CNNM2: variants seen among roughly 807,000 people sequenced by gnomAD.
The protein encoded by CNNM2 is metal transporter CNNM2.
CNNM2 carries 12 observed loss-of-function variants against 66.9 expected under a neutral mutation model. The observed-to-expected ratio is 0.18, with a 90% CI of 0.11 to 0.29. The LOEUF (loss-of-function observed/expected upper bound fraction) is 0.29. CNNM2 is among the 10% of genes least tolerant of loss of function. The pLI, the probability that CNNM2 is intolerant of heterozygous loss-of-function variation, is 1.00. For synonymous variants in CNNM2, 557 were observed against 501.8 expected (o/e 1.11, Z -1.47); for missense variants, 705 against 1,167.7 (o/e 0.60, Z 5.77).
intron 1 of CNNM2, chr10:102,927,430 T>C (rs1845908670): frequency 6.2e-7 from 1 of 1,612,298 alleles, no homozygotes; most frequent in Non-Finnish European, 8.5e-7. Flanking sequence ...TCACAGACAT[T>C]GGCAACTCTA....
intron 1 of CNNM2, among the ~76,000 whole-genome samples, chr10:103,049,480 T>C (rs1416615856): frequency 6.6e-6 from 1 of 152,122 alleles, no homozygotes; most frequent in African/African-American, 2.4e-5. Flanking sequence ...AATGGTGCAG[T>C]GCAATGTATG....
intron 1 of CNNM2, among the ~76,000 whole-genome samples, chr10:103,044,537 G>A (rs904787814): frequency 6.7e-6 from 1 of 149,466 alleles, no homozygotes; most frequent in South Asian, 2.2e-4. Flanking sequence ...GCCAGGGAGT[G>A]AGACCCTGTC....
At chr10:103,065,003 C>T (rs906095198) in intron 4 of CNNM2, among the ~76,000 whole-genome samples, 6 of 152,320 alleles carry the variant, frequency 3.9e-5, no homozygotes, top group Admixed American at 1.3e-4. Flanking sequence ...ATATCCACCC[C>T]GCAGCAGTGA....
rs572941152 is a variant in CNNM2 at position 102,933,233 on chromosome 10, T to G, written c.1621+13132T>G. On this transcript the variant is annotated intron_variant, in intron 1 of 7. Coordinates refer to ENST00000369878, the MANE Select transcript of CNNM2 (RefSeq NM_017649.5). ...AGATCAATTTAGGAGTATTGCAATGTTAACAGTACAAAGTCTTCCATCCAT... is the reference window on the plus strand; with the variant it reads ...AGATCAATTTAGGAGTATTGCAATGGTAACAGTACAAAGTCTTCCATCCAT... 7.9e-5 allele frequency among the ~76,000 whole-genome samples: 12 copies of G among 152,360 alleles called. No individual in the cohort carries two copies. The South Asian group carries it at 1.0e-3, about 13-fold the overall frequency.
At chr10:103,029,835 TAGCCTGGGAGACAG>T (rs1293160124) in intron 1 of CNNM2, among the ~76,000 whole-genome samples, 1 of 148,876 alleles carries the variant, frequency 6.7e-6, no homozygotes, top group Non-Finnish European at 1.5e-5. Flanking sequence ...CACTGCACTC[TAGCCTGGGAGACAG>T]AGCAAGACTC....
chr10:103,089,798 C>G lies in CNNM2; in HGVS notation c.*12618C>G, dbSNP rs1456904440. 1 of 1,614,038 alleles carries G rather than the reference C, an allele frequency of 6.2e-7. No individual in the cohort carries two copies. On this transcript the variant is annotated 3_prime_UTR_variant, in exon 8 of 8. Coordinates refer to ENST00000369878, the MANE Select transcript of CNNM2 (RefSeq NM_017649.5). ...TAATTGACCGTGTCAGCTGGTGCCGCTTGTAGTCAGTGTCTTTGAAATCCA... is the reference window on the plus strand; with the variant it reads ...TAATTGACCGTGTCAGCTGGTGCCGGTTGTAGTCAGTGTCTTTGAAATCCA...
chr10:102,939,578 C>A (rs1345169139), intron 1 of CNNM2, among the ~76,000 whole-genome samples: 1 of 152,128 alleles, frequency 6.6e-6, no homozygotes, highest in Admixed American at 6.6e-5. Context: ...TCTAATTGAG[C>A]AGTCCCCAAG....
Position 102,920,043 on chromosome 10 carries a change from C to T in CNNM2, c.1563C>T (p.Pro521=), listed in dbSNP as rs1286547373. 19 of 1,614,086 alleles carry T rather than the reference C, an allele frequency of 1.2e-5. No individual in the cohort carries two copies. In the Admixed American group the frequency reaches 3.0e-4, roughly 25 times the overall value. ...CCATCACCAAATTTTATAACCACCC[C>T]TTGCACTTTGTTTTCAATGACACCA... The part of the protein sequence containing the change: ...LKTITKFYNH[P]LHFVFNDTKL... Residue 521 remains proline, a synonymous_variant, in exon 1 of 8, where the codon CCC becomes CCT. Transcript: ENST00000369878.
At chr10:103,042,088 T>C (rs1462330468) in intron 1 of CNNM2, among the ~76,000 whole-genome samples, 1 of 152,258 alleles carries the variant, frequency 6.6e-6, no homozygotes, top group Non-Finnish European at 1.5e-5. Flanking sequence ...ACTGATGCCA[T>C]GCACTGTCCT....
At chr10:103,053,203 T>A (rs1435816457) in intron 2 of CNNM2, among the ~76,000 whole-genome samples, 1 of 152,194 alleles carries the variant, frequency 6.6e-6, no homozygotes, top group Non-Finnish European at 1.5e-5. Flanking sequence ...GCTAAGAGTG[T>A]CTTTTCACAT....
At chr10:103,073,588 G>A (rs1027452444) in intron 6 of CNNM2, among the ~76,000 whole-genome samples, 18 of 152,176 alleles carry the variant, frequency 1.2e-4, no homozygotes, top group African/African-American at 3.9e-4. Flanking sequence ...TGGGCCGGGC[G>A]CGGTGGCTCA....
intron 1 of CNNM2, among the ~76,000 whole-genome samples, chr10:103,030,638 G>A (rs981968618): frequency 6.6e-6 from 1 of 152,142 alleles, no homozygotes; most frequent in Non-Finnish European, 1.5e-5. Flanking sequence ...AGCCTGGGAG[G>A]CGGAGGCTGC....
At chr10:103,072,444 C>T (rs2065602793) in intron 6 of CNNM2, among the ~76,000 whole-genome samples, 1 of 150,914 alleles carries the variant, frequency 6.6e-6, no homozygotes, top group South Asian at 2.1e-4. Context: ...CAGGCGACCC[C>T]GCTTCTCCCC....
intron 6 of CNNM2, among the ~76,000 whole-genome samples, chr10:103,073,768 A>C (rs1176413842): frequency 6.7e-6 from 1 of 148,342 alleles, no homozygotes; most frequent in African/African-American, 2.5e-5. Context: ...AGGCTGAGGC[A>C]GGAGAATGGC....
At chr10:103,016,251 C>T (rs2064446023) in intron 1 of CNNM2, among the ~76,000 whole-genome samples, 1 of 151,960 alleles carries the variant, frequency 6.6e-6, no homozygotes, top group South Asian at 2.1e-4. Context: ...TCAAATTTTT[C>T]TGTTGGATTA....
Position 102,983,772 on chromosome 10 carries a change from A to ATT in CNNM2, c.1621+63683_1621+63684dup. Among the ~76,000 whole-genome samples, 1 of 145,806 alleles carries ATT rather than the reference A, an allele frequency of 6.9e-6. No individual in the cohort carries two copies. The highest frequency in any genetic ancestry group is 2.5e-5 in the African/African-American group (1 of 39,466). On this transcript the variant is annotated intron_variant, in intron 1 of 7. Transcript: ENST00000369878. ...ATTTTACATAGCACTTAAATTGTAAATTTTTTTTTTTTTGACAGAGTCTTG... is the reference window on the plus strand; with the variant it reads ...ATTTTACATAGCACTTAAATTGTAAATTTTTTTTTTTTTTTGACAGAGTCTTG...
intron 5 of CNNM2, 74 bp from the exon 6 acceptor site, chr10:103,071,700 C>T (rs2065586330): frequency 8.8e-7 from 1 of 1,133,522 alleles, no homozygotes. Flanking sequence ...AGTATCCCCT[C>T]CTGTCCCTTG....
At chr10:103,073,688 C>T (rs1006946079) in intron 6 of CNNM2, among the ~76,000 whole-genome samples, 5 of 151,654 alleles carry the variant, frequency 3.3e-5, no homozygotes, top group South Asian at 4.2e-4. Flanking sequence ...GGTGAAACCC[C>T]GTCTCTACTA....
At chr10:102,958,245 G>T in intron 1 of CNNM2, among the ~76,000 whole-genome samples, 1 of 151,806 alleles carries the variant, frequency 6.6e-6, no homozygotes, top group South Asian at 2.1e-4. Flanking sequence ...CTGAGCCACT[G>T]CACCTGGCCT....
Sources: gnomAD v4.1 joint callset for allele counts (sites outside exome capture counted in the v4.1 genomes callset) on GRCh38, gnomAD v4.1.1 for gene constraint, MANE v1.5 for transcripts, NCBI Gene and HGNC (gene_info 2026-07-23, HGNC 2026-07-21) for gene names.